The following MXRA8 variants were observed in gnomAD, a reference collection of about 807,000 sequenced individuals.
MXRA8 encodes matrix remodeling associated 8, also known as matrix remodeling-associated protein 8.
MXRA8 carries 44 observed loss-of-function variants against 51.4 expected under a neutral mutation model. That is an observed-to-expected ratio of 0.86 (90% confidence interval 0.67 to 1.10). The LOEUF (loss-of-function observed/expected upper bound fraction) is 1.10, where lower values mean the gene tolerates loss of function less well. Among genes scored for constraint, MXRA8 ranks in the 50% least tolerant of loss-of-function variants. The pLI is 0.00. For synonymous variants in MXRA8, 369 were observed against 293.5 expected (o/e 1.26, Z -2.63); for missense variants, 765 against 638.9 (o/e 1.20, Z -2.13).
chr1:1,360,091 G>C (rs922086740), upstream of MXRA8, among the ~76,000 whole-genome samples: 4 of 152,238 alleles, frequency 2.6e-5, no homozygotes, highest in African/African-American at 9.6e-5. Context: ...GGGTCTGGGA[G>C]GGCCCGGCTC....
chr1:1,354,009 C>A (rs751434919), intron 8 of MXRA8, 21 bp downstream of exon 8: 6 of 1,612,132 alleles, frequency 3.7e-6, no homozygotes, highest in South Asian at 1.1e-5. Flanking sequence ...CCTGTGCCCT[C>A]GTGTCCCAGC....
Position 1,354,838 on chromosome 1 carries a change from C to T in MXRA8, c.793G>A (p.Ala265Thr), listed in dbSNP as rs755852998. 14 of 1,612,010 alleles carry T rather than the reference C, an allele frequency of 8.7e-6. No individual in the cohort carries two copies. The highest frequency in any genetic ancestry group is 1.7e-5 in the Admixed American group (1 of 59,972). The change falls in exon 5 of 10, where the codon GCC becomes ACC. Residue 265 changes from alanine (A) to threonine (T), a missense_variant. Transcript: ENST00000309212. ...TGGCAGGAGTAGGTGCCCTCGTCGG[C>T]GACCTCCAGCGGCTCGATACGCAGT... is the stretch of plus-strand genomic sequence containing the variant. ...FSLRIEPLEV[A>T]DEGTYSCHLH...
intron 9 of MXRA8, 38 bp downstream of exon 9, chr1:1,353,810 G>C (rs776212191): frequency 3.9e-6 from 6 of 1,538,920 alleles, no homozygotes; most frequent in Non-Finnish European, 5.3e-6. Context: ...GGGACAGGCA[G>C]GGCTCTGAGA....
At position 1,353,523 on chromosome 1, in the gene MXRA8, C is replaced by T. The variant is rs1263681597; in HGVS notation, c.*81G>A. 1 of 1,524,210 alleles carries T rather than the reference C, an allele frequency of 6.6e-7. No individual in the cohort carries two copies. Among genetic ancestry groups the T allele is most frequent in the South Asian group, 1.2e-5 (1 of 81,152 alleles). 94.4% of individuals were successfully genotyped at this position (1,524,210 alleles called of 1,614,324 possible). On this transcript the variant is annotated 3_prime_UTR_variant, in exon 10 of 10. Transcript: ENST00000309212. ...GACCAGCCGCTGGAAGGGGGGTGAGCCCCGGAGCATCAGGAGATGCCCCGA... is the reference window on the plus strand; with the variant it reads ...GACCAGCCGCTGGAAGGGGGGTGAGTCCCGGAGCATCAGGAGATGCCCCGA...
rs757070696 is a variant in MXRA8, at chr1:1,354,829, C to T, written c.802G>A (p.Gly268Ser). The T allele has an allele frequency of 4.3e-6, 7 of 1,612,236 alleles. No homozygotes were observed. The South Asian group carries it at 5.5e-5, about 13-fold the overall frequency. ...RIEPLEVADE[G>S]TYSCHLHHHY... ...TGGTGCAGGTGGCAGGAGTAGGTGC[C>T]CTCGTCGGCGACCTCCAGCGGCTCG... Residue 268 changes from glycine to serine, a missense_variant, in exon 5 of 10, where the codon GGC becomes AGC. Coordinates refer to ENST00000309212, the MANE Select transcript of MXRA8 (RefSeq NM_032348.4).
At chr1:1,355,386 C>T in intron 3 of MXRA8, 41 bp from the exon 4 acceptor site, 1 of 1,534,824 alleles carries the variant, frequency 6.5e-7, no homozygotes, top group Non-Finnish European at 8.7e-7. Context: ...CCTTGCGGTG[C>T]CCCCGACCCC....
upstream of MXRA8, among the ~76,000 whole-genome samples, chr1:1,362,592 C>A (rs1436115103): frequency 6.6e-6 from 1 of 151,728 alleles, no homozygotes. Context: ...CCATCCTGGC[C>A]AACATGGTGA....
In MXRA8 at chr1:1,355,758, G is replaced by T. The variant is rs1301450613; in HGVS notation, c.74-6C>A. The T allele has an allele frequency of 7.8e-6, 10 of 1,285,306 alleles. No homozygotes were observed. Among genetic ancestry groups the T allele is most frequent in the South Asian group, 4.8e-5 (2 of 41,536 alleles). 79.6% of individuals were successfully genotyped at this position (1,285,306 alleles called of 1,614,324 possible). Reference sequence around the variant, plus strand: ...AGCGGCGGGTACCGAGGACCCTGGTGGGGGAGGGGAGTCGGTGGGGGAAGG... The same window carrying T: ...AGCGGCGGGTACCGAGGACCCTGGTTGGGGAGGGGAGTCGGTGGGGGAAGG... On this transcript the variant is annotated splice_region_variant and splice_polypyrimidine_tract_variant and intron_variant, in intron 2 of 9. Transcript: ENST00000309212.
chr1:1,353,408 A>G lies in MXRA8; in HGVS notation c.*196T>C. Reference sequence around the variant, plus strand: ...AGGGCCACCCGTGAGCAAAGGCCGCAGGGGTGGGGGCTATGCTGCCACCAA... The same window carrying G: ...AGGGCCACCCGTGAGCAAAGGCCGCGGGGGTGGGGGCTATGCTGCCACCAA... On this transcript the variant is annotated 3_prime_UTR_variant, in exon 10 of 10. Transcript: ENST00000309212. 6.5e-7 allele frequency: 1 copy of G among 1,532,822 alleles called. No homozygotes were observed. 95.0% of individuals were successfully genotyped at this position (1,532,822 alleles called of 1,614,324 possible).
At chr1:1,355,878 A>T in intron 2 of MXRA8, 126 bp from the exon 3 acceptor site, 1 of 350,478 alleles carries the variant, frequency 2.9e-6, no homozygotes, top group Non-Finnish European at 3.5e-6. Flanking sequence ...GCAGGACCAG[A>T]GGGCCCTGGT....
rs1352735281 is a variant in MXRA8 at position 1,354,479 on chromosome 1, A to C, written c.980T>G (p.Ile327Ser). 1 of 1,612,216 alleles carries C rather than the reference A, an allele frequency of 6.2e-7. No individual in the cohort carries two copies. The highest frequency in any genetic ancestry group is 8.5e-7 in the Non-Finnish European group (1 of 1,179,804). ...TCGGCTCTCGGGGACGATGACATTGATGACGTTGTGGCCGCGCGCCAGTGT... is the reference window on the plus strand; with the variant it reads ...TCGGCTCTCGGGGACGATGACATTGCTGACGTTGTGGCCGCGCGCCAGTGT... ...DPTLARGHNVINVIVPESRAH... is the reference protein window; with the variant it reads ...DPTLARGHNVSNVIVPESRAH... Residue 327 changes from isoleucine (I) to serine (S), a missense_variant, in exon 6 of 10, where the codon ATC becomes AGC. Coordinates refer to ENST00000309212, the MANE Select transcript of MXRA8 (RefSeq NM_032348.4).
rs1293851127 is a variant in MXRA8, at chr1:1,355,077, G to A, written c.554C>T (p.Thr185Ile). The A allele has an allele frequency of 1.3e-6, 2 of 1,576,134 alleles. No homozygotes were observed. Among genetic ancestry groups the A allele is most frequent in the Non-Finnish European group, 1.7e-6 (2 of 1,168,246 alleles). ...AVARGAPALL[T>I]CVNRGHVWTD... ...CCACACGTGCCCGCGGTTCACGCAGGTCAGAAGCGCGGGTGCGCCGCGCGC... is the reference window on the plus strand; with the variant it reads ...CCACACGTGCCCGCGGTTCACGCAGATCAGAAGCGCGGGTGCGCCGCGCGC... Residue 185 changes from threonine to isoleucine, a missense_variant, in exon 5 of 10, where the codon ACC (threonine) becomes ATC (isoleucine). Physicochemically the swap from Thr to Ile is moderately conservative, Grantham distance 89. Transcript: ENST00000309212.
chr1:1,353,793 T>G, intron 9 of MXRA8, 55 bp downstream of exon 9: 1 of 1,510,234 alleles, frequency 6.6e-7, no homozygotes, highest in Non-Finnish European at 8.9e-7. Flanking sequence ...CCAGGTGAGG[T>G]GGAATGGGGA....
chr1:1,361,179 T>G (rs1569817471), upstream of MXRA8: 2 of 697,668 alleles, frequency 2.9e-6, no homozygotes, highest in East Asian at 2.7e-5. Flanking sequence ...CAGACACAGG[T>G]CCACACACAG....
In MXRA8 at chr1:1,355,042, G is replaced by C; in HGVS notation, c.589C>G (p.His197Asp). 3 of 1,608,102 alleles carry C rather than the reference G, an allele frequency of 1.9e-6. No individual in the cohort carries two copies. The highest frequency in any genetic ancestry group is 2.5e-6 in the Non-Finnish European group (3 of 1,178,408). ...ACCACCTGTTGAGCCTCCTCCACGT[G>C]CCGGTCGGTCCACACGTGCCCGCGG... ...VNRGHVWTDRHVEEAQQVVHW... is the reference protein window; with the variant it reads ...VNRGHVWTDRDVEEAQQVVHW... The change falls in exon 5 of 10, where the codon CAC becomes GAC. Residue 197 changes from histidine (H) to aspartate (D), a missense_variant. Transcript: ENST00000309212.
chr1:1,362,822 A>G (rs901044823), upstream of MXRA8, among the ~76,000 whole-genome samples: 29 of 147,600 alleles, frequency 2.0e-4, no homozygotes, highest in African/African-American at 6.3e-4. Flanking sequence ...GGTGGCTCAC[A>G]TCGGTAATCC....
intron 5 of MXRA8, 75 bp from the exon 6 acceptor site, chr1:1,354,584 C>T: frequency 6.4e-7 from 1 of 1,564,194 alleles, no homozygotes; most frequent in Non-Finnish European, 8.6e-7. Context: ...ACGGCCCCCG[C>T]TGGGATCCGC....
intron 9 of MXRA8, 65 bp from the exon 10 acceptor site, chr1:1,353,694 G>A (rs552424448): frequency 1.3e-6 from 2 of 1,516,952 alleles, no homozygotes; most frequent in East Asian, 2.4e-5. Context: ...GGGAGACACA[G>A]GGCAGACCCC....
chr1:1,362,336 A>G (rs976641143), upstream of MXRA8, among the ~76,000 whole-genome samples: 2 of 152,236 alleles, frequency 1.3e-5, no homozygotes, highest in East Asian at 1.9e-4. Context: ...ATACAGAAAC[A>G]TTTCACAAAT....
Sources: gnomAD v4.1 joint callset for allele counts (sites outside exome capture counted in the v4.1 genomes callset) on GRCh38, gnomAD v4.1.1 for gene constraint, MANE v1.5 for transcripts, NCBI Gene and HGNC (gene_info 2026-07-23, HGNC 2026-07-21) for gene names.